Variants in DLC1 observed in about 807,000 individuals in gnomAD.
DLC1 encodes rho GTPase-activating protein 7.
Under a neutral mutation model 140.3 loss-of-function variants are expected in DLC1, and 54 were observed. That is an observed-to-expected ratio of 0.38 (90% CI 0.31 to 0.48). The LOEUF is 0.48. Among genes scored for constraint, DLC1 ranks in the 20% least tolerant of loss-of-function variants. The pLI is 0.96. For missense variants in DLC1, 2,536 were observed against 1,907.0 expected, an observed-to-expected ratio of 1.33 and a Z score of -6.14; for synonymous variants, 986 against 728.1, an observed-to-expected ratio of 1.35 and a Z score of -5.70.
intron 6 of DLC1, among the ~76,000 whole-genome samples, chr8:13,111,399 C>G (rs539918234): frequency 6.6e-6 from 1 of 152,230 alleles, no homozygotes; most frequent in South Asian, 2.1e-4. Flanking sequence ...ATTGATATAA[C>G]TCCCCTAAAA....
At chr8:13,459,230 G>T (rs932244100) in intron 2 of DLC1, among the ~76,000 whole-genome samples, 3 of 152,070 alleles carry the variant, frequency 2.0e-5, no homozygotes, top group Non-Finnish European at 4.4e-5. Flanking sequence ...GAAGTTCTGT[G>T]TTTTTCTGAT....
intron 1 of DLC1, among the ~76,000 whole-genome samples, chr8:13,541,365 A>G (rs56359022): frequency 0.18 from 26,883 of 151,920 alleles, 2,804 homozygotes; most frequent in Non-Finnish European, 0.23. Flanking sequence ...TAATTACGTA[A>G]GACACTGCCA....
chr8:13,536,289 G>A (rs1465719588), intron 1 of DLC1, among the ~76,000 whole-genome samples: 2 of 152,154 alleles, frequency 1.3e-5, no homozygotes, highest in Non-Finnish European at 2.9e-5. Context: ...CACTATGAAA[G>A]GTGACAAGGT....
intron 4 of DLC1, among the ~76,000 whole-genome samples, chr8:13,306,452 C>T (rs1832431041): frequency 6.6e-6 from 1 of 151,968 alleles, no homozygotes; most frequent in African/African-American, 2.4e-5. Flanking sequence ...AATCACTGAC[C>T]ACAGGATAGA....
chr8:13,501,189 A>T (rs1357220374), intron 1 of DLC1, among the ~76,000 whole-genome samples: 1 of 152,220 alleles, frequency 6.6e-6, no homozygotes, highest in Middle Eastern at 3.2e-3. Flanking sequence ...TAAGAAGTTT[A>T]GTTTGCATAT....
chr8:13,395,008 A>ATCTG (rs1836958665), intron 3 of DLC1, among the ~76,000 whole-genome samples: 2 of 78,840 alleles, frequency 2.5e-5, no homozygotes, highest in South Asian at 8.5e-4. Flanking sequence ...TACATATTCT[A>ATCTG]TCTATCTATC....
chr8:13,371,037 C>G (rs1835702839), intron 4 of DLC1, among the ~76,000 whole-genome samples: 1 of 152,164 alleles, frequency 6.6e-6, no homozygotes, highest in Admixed American at 6.5e-5. Context: ...GGGGGAAATC[C>G]TCAAATGGAA....
chr8:13,257,212 A>C (rs1311227056), intron 5 of DLC1, among the ~76,000 whole-genome samples: 1 of 145,308 alleles, frequency 6.9e-6, no homozygotes, highest in African/African-American at 2.6e-5. Flanking sequence ...ACATATGCTT[A>C]TCATAAAAAA....
At chr8:13,140,676 T>C (rs1822913739) in intron 5 of DLC1, among the ~76,000 whole-genome samples, 1 of 152,186 alleles carries the variant, frequency 6.6e-6, no homozygotes, top group Admixed American at 6.5e-5. Context: ...TATTAATTTA[T>C]GATAAAAATT....
intron 5 of DLC1, among the ~76,000 whole-genome samples, chr8:13,144,703 T>C (rs1015464201): frequency 6.6e-6 from 1 of 152,154 alleles, no homozygotes; most frequent in Non-Finnish European, 1.5e-5. Flanking sequence ...AGGCAGAGCT[T>C]GCAGTGAGCC....
At chr8:13,148,570 C>G (rs1210742962) in intron 5 of DLC1, among the ~76,000 whole-genome samples, 20 of 152,160 alleles carry the variant, frequency 1.3e-4, no homozygotes, top group Admixed American at 1.3e-3. Flanking sequence ...CAACTAAATC[C>G]TGTGTATGTG....
chr8:13,449,711 A>G (rs897694915), intron 2 of DLC1, among the ~76,000 whole-genome samples: 1 of 151,994 alleles, frequency 6.6e-6, no homozygotes, highest in Non-Finnish European at 1.5e-5. Context: ...AGGAGATATA[A>G]CTCATGTAAA....
intron 5 of DLC1, among the ~76,000 whole-genome samples, chr8:13,219,373 T>TATTACATTTC (rs1828425414): frequency 6.9e-6 from 1 of 145,392 alleles, no homozygotes; most frequent in Non-Finnish European, 1.5e-5. Context: ...TTCATATACT[T>TATTACATTTC]ATATAATTAT....
chr8:13,563,609 G>C (rs1001869406), intron 1 of DLC1, among the ~76,000 whole-genome samples: 3 of 152,046 alleles, frequency 2.0e-5, no homozygotes, highest in Non-Finnish European at 4.4e-5. Context: ...GTAAAGGGTA[G>C]AATATTTTTG....
intron 5 of DLC1, among the ~76,000 whole-genome samples, chr8:13,213,960 G>T (rs1051455305): frequency 1.3e-5 from 2 of 151,822 alleles, no homozygotes; most frequent in Admixed American, 1.3e-4. Context: ...ATTTTTGTAT[G>T]TTTAGTAGAG....
intron 5 of DLC1, among the ~76,000 whole-genome samples, chr8:13,223,733 A>G (rs1351936367): frequency 6.6e-6 from 1 of 152,190 alleles, no homozygotes; most frequent in African/African-American, 2.4e-5. Context: ...TGTTAGGAAT[A>G]CATATATATG....
At chr8:13,111,971 C>A (rs1820149869) in intron 6 of DLC1, among the ~76,000 whole-genome samples, 1 of 151,940 alleles carries the variant, frequency 6.6e-6, no homozygotes, top group Non-Finnish European at 1.5e-5. Flanking sequence ...CATGGCGAGA[C>A]CTTGTCTCTA....
At position 13,268,868 on chromosome 8, in the gene DLC1, C is replaced by T. The variant is rs920519137; in HGVS notation, c.1348+36401G>A. Among the ~76,000 whole-genome samples the T allele has an allele frequency of 3.1e-4, 45 of 146,988 alleles. 1 individual carries two copies. Among genetic ancestry groups the T allele is most frequent in the African/African-American group, 1.1e-3 (42 of 39,968 alleles). ...GTTCTACCCCTCCCATCTGTGCTTC[C>T]TTCCTTTTTTTTTTTTTTTTTTTTG... On this transcript the variant is annotated intron_variant, in intron 5 of 17. Transcript: ENST00000276297.
intron 1 of DLC1, among the ~76,000 whole-genome samples, chr8:13,578,352 C>T (rs974554847): frequency 2.6e-5 from 4 of 152,128 alleles, no homozygotes; most frequent in Non-Finnish European, 4.4e-5. Flanking sequence ...TTCGTACTCT[C>T]TTACACAGTC....
Sources: gnomAD v4.1 joint callset for allele counts (sites outside exome capture counted in the v4.1 genomes callset) on GRCh38, gnomAD v4.1.1 for gene constraint, MANE v1.5 for transcripts, NCBI Gene and HGNC (gene_info 2026-07-23, HGNC 2026-07-21) for gene names.